The following CDH11 variants were observed in gnomAD, a reference collection of about 807,000 sequenced individuals.
The protein encoded by CDH11 is cadherin-11.
A neutral mutation model predicts 67.8 loss-of-function variants in CDH11; 11 were observed. The observed-to-expected ratio is 0.16, with a 90% CI of 0.10 to 0.27. The LOEUF (loss-of-function observed/expected upper bound fraction) is 0.27. CDH11 is among the 10% of genes least tolerant of loss of function. CDH11 has a pLI of 1.00. For synonymous variants in CDH11, 419 were observed against 400.0 expected (o/e 1.05, Z -0.57); for missense variants, 847 against 1,031.2 (o/e 0.82, Z 2.45).
chr16:64,977,157 A>G lies in CDH11; in HGVS notation c.1254-4117T>C, dbSNP rs150486334. 2.3e-3 allele frequency among the ~76,000 whole-genome samples: 342 copies of G among 151,772 alleles called. 3 individuals carry two copies. The highest frequency in any genetic ancestry group is 7.6e-3 in the African/African-American group (314 of 41,368). ...CAAGTCTTCAGTGAACCATGATGAC[A>G]CCACTGCACTCCAGGCTGGGTGACA... On this transcript the variant is annotated intron_variant, in intron 8 of 12. Coordinates refer to ENST00000268603, the MANE Select transcript of CDH11 (RefSeq NM_001797.4).
At chr16:64,960,931 T>C (rs554030459) in intron 11 of CDH11, among the ~76,000 whole-genome samples, 1 of 152,156 alleles carries the variant, frequency 6.6e-6, no homozygotes, top group Non-Finnish European at 1.5e-5. Flanking sequence ...GGTCACCATG[T>C]AGTTACAGCT....
chr16:65,107,689 A>C (rs1216786669), intron 1 of CDH11, among the ~76,000 whole-genome samples: 1 of 152,172 alleles, frequency 6.6e-6, no homozygotes, highest in Non-Finnish European at 1.5e-5. Context: ...TCTGCTTATA[A>C]ACTCTGCTCG....
intron 1 of CDH11, among the ~76,000 whole-genome samples, chr16:65,098,538 G>C (rs1363117523): frequency 1.3e-5 from 2 of 151,832 alleles, no homozygotes; most frequent in Admixed American, 6.6e-5. Flanking sequence ...GTGTGTGTGT[G>C]CGTGTGTTTT....
chr16:65,079,366 GA>G (rs567329909), intron 1 of CDH11, among the ~76,000 whole-genome samples: 144 of 152,140 alleles, frequency 9.5e-4, no homozygotes, highest in African/African-American at 3.0e-3. Flanking sequence ...ATTTTATTAT[GA>G]AAAAAATTAA....
intron 6 of CDH11, among the ~76,000 whole-genome samples, chr16:64,988,622 C>G (rs2072550192): frequency 6.6e-6 from 1 of 152,150 alleles, no homozygotes; most frequent in Non-Finnish European, 1.5e-5. Flanking sequence ...TGCTCTGTTA[C>G]ATTTCCCATC....
At chr16:64,974,845 C>G (rs1220597150) in intron 8 of CDH11, among the ~76,000 whole-genome samples, 5 of 152,156 alleles carry the variant, frequency 3.3e-5, no homozygotes, top group Admixed American at 1.3e-4. Flanking sequence ...AGGTATTATT[C>G]CACAGAAATG....
intron 2 of CDH11, among the ~76,000 whole-genome samples, chr16:65,016,402 T>C (rs2073309949): frequency 6.6e-6 from 1 of 152,114 alleles, no homozygotes; most frequent in African/African-American, 2.4e-5. Flanking sequence ...ACGCAGAGCA[T>C]TTTCTGAAGC....
At position 64,948,756 on chromosome 16, in the gene CDH11, G is replaced by A. The variant is rs751743557; in HGVS notation, c.1895-657C>T. 2.5e-6 allele frequency: 4 copies of A among 1,601,586 alleles called. No individual in the cohort carries two copies. The Admixed American group carries it at 6.9e-5, about 28-fold the overall frequency. On this transcript the variant is annotated intron_variant, in intron 12 of 12. Transcript: ENST00000268603. ...GATAAAGCAATCTCATGTCTTCCCT[G>A]GGAGAGGGGGGTTCCATTAAGCTTG...
chr16:64,953,136 A>G (rs946693313), intron 11 of CDH11, among the ~76,000 whole-genome samples: 2 of 152,028 alleles, frequency 1.3e-5, no homozygotes, highest in African/African-American at 4.8e-5. Context: ...TTGTATTACA[A>G]TTTTTTGTTG....
chr16:64,982,580 C>A, intron 7 of CDH11: 1 of 301,012 alleles, frequency 3.3e-6, no homozygotes. Context: ...TAATGTTGCC[C>A]AAATAAGTCA....
intron 12 of CDH11, among the ~76,000 whole-genome samples, chr16:64,949,778 A>G (rs2071306867): frequency 6.6e-6 from 1 of 151,864 alleles, no homozygotes; most frequent in African/African-American, 2.4e-5. Flanking sequence ...TCATGTCCCT[A>G]TTACAGCACC....
At chr16:65,049,178 C>A (rs1031551960) in intron 2 of CDH11, among the ~76,000 whole-genome samples, 7 of 152,124 alleles carry the variant, frequency 4.6e-5, no homozygotes, top group African/African-American at 1.7e-4. Flanking sequence ...GTACATGTAC[C>A]CCCTGAATCT....
chr16:64,954,213 A>C (rs535406275), intron 11 of CDH11, among the ~76,000 whole-genome samples: 6 of 152,348 alleles, frequency 3.9e-5, no homozygotes, highest in African/African-American at 1.4e-4. Context: ...CACCCAGCTG[A>C]CCAAACCATT....
At chr16:64,973,102 A>G in intron 8 of CDH11, 62 bp from the exon 9 acceptor site, 1 of 1,455,196 alleles carries the variant, frequency 6.9e-7, no homozygotes, top group East Asian at 2.3e-5. Flanking sequence ...ATATTTGAAT[A>G]TTTTCTCCAT....
chr16:65,079,725 G>A (rs1435636301), intron 1 of CDH11, among the ~76,000 whole-genome samples: 6 of 152,164 alleles, frequency 3.9e-5, no homozygotes, highest in African/African-American at 1.4e-4. Flanking sequence ...GAACATGCCA[G>A]GTATGTTTAT....
chr16:64,949,273 G>T (rs184534351), intron 12 of CDH11, among the ~76,000 whole-genome samples: 1 of 151,834 alleles, frequency 6.6e-6, no homozygotes, highest in Admixed American at 6.6e-5. Flanking sequence ...TAACTTTTTA[G>T]GGCTTTTGTA....
At position 64,950,801 on chromosome 16, in the gene CDH11, C is replaced by G. The variant is rs1426661094; in HGVS notation, c.1860G>C (p.Leu620=). Residue 620 remains leucine (L), a synonymous_variant, in exon 12 of 13, where the codon CTG becomes CTC. Transcript: ENST00000268603. ...ILNAGLSTGA[L]IAILACIVIL... is the part of the protein sequence containing the mutation. The stretch of plus-strand genomic sequence containing the variant: ...TGACGATGCAGGCGAGGATGGCGAT[C>G]AGGGCGCCTGTGCTCAGGCCGGCGT... 5.6e-6 allele frequency: 9 copies of G among 1,613,976 alleles called. No homozygotes were observed. The highest frequency in any genetic ancestry group is 5.0e-5 in the Admixed American group (3 of 60,002).
At chr16:65,075,771 C>T (rs1401290242) in intron 1 of CDH11, among the ~76,000 whole-genome samples, 1 of 152,188 alleles carries the variant, frequency 6.6e-6, no homozygotes, top group Non-Finnish European at 1.5e-5. Context: ...GTATTGGATA[C>T]ACCAACTCTC....
In CDH11 at chr16:64,949,717, C is replaced by T. The variant is rs147449075; in HGVS notation, c.1894+1050G>A. ...CTGGGATTACAGGCGTGAGCTACTG[C>T]GCCTGGCCCATGTCAGGTGCTTTCT... On this transcript the variant is annotated intron_variant, in intron 12 of 12. Coordinates refer to ENST00000268603, the MANE Select transcript of CDH11 (RefSeq NM_001797.4). Among the ~76,000 whole-genome samples the T allele has an allele frequency of 2.5e-3, 373 of 152,184 alleles. 1 individual carries two copies. The highest frequency in any genetic ancestry group is 8.0e-3 in the African/African-American group (334 of 41,542).
Sources: gnomAD v4.1 joint callset for allele counts (sites outside exome capture counted in the v4.1 genomes callset) on GRCh38, gnomAD v4.1.1 for gene constraint, MANE v1.5 for transcripts, NCBI Gene and HGNC (gene_info 2026-07-23, HGNC 2026-07-21) for gene names.